Variants in THRB observed in about 807,000 individuals in gnomAD.
The protein encoded by THRB is thyroid hormone receptor beta.
A neutral mutation model predicts 47.8 loss-of-function variants in THRB; 12 were observed. The observed-to-expected ratio is 0.25, with a 90% CI of 0.16 to 0.41. The LOEUF (loss-of-function observed/expected upper bound fraction) is 0.41, where lower values mean the gene tolerates loss of function less well. Ranked by LOEUF, THRB falls within the 10% of genes least tolerant of loss-of-function variation. THRB has a pLI of 1.00. For synonymous variants in THRB, 218 were observed against 212.2 expected (o/e 1.03, Z -0.24); for missense variants, 348 against 589.2 (o/e 0.59, Z 4.24).
At chr3:24,295,094 T>C (rs1329289139) in intron 3 of THRB, among the ~76,000 whole-genome samples, 1 of 152,250 alleles carries the variant, frequency 6.6e-6, no homozygotes, top group African/African-American at 2.4e-5. Context: ...GTCCTAGGTC[T>C]GAAAACTCAC....
Position 24,393,756 on chromosome 3 carries a change from T to C in THRB, c.-260-56385A>G, listed in dbSNP as rs371864330. Among the ~76,000 whole-genome samples the C allele has an allele frequency of 2.6e-4, 39 of 152,290 alleles. 1 individual carries two copies. In the East Asian group the frequency reaches 6.8e-3, roughly 26 times the overall value. On this transcript the variant is annotated intron_variant, in intron 1 of 10. Transcript: ENST00000646209. ...AGGAAGACCCCAAAAGGTGAGGTCC[T>C]ATCCTCTGCCAAAGAATGAAGACTT...
At chr3:24,208,481 G>A (rs2045649533) in intron 4 of THRB, among the ~76,000 whole-genome samples, 1 of 152,126 alleles carries the variant, frequency 6.6e-6, no homozygotes, top group Non-Finnish European at 1.5e-5. Flanking sequence ...AAACAGCATG[G>A]TACTGGTACC....
chr3:24,287,940 A>C (rs929929216), intron 3 of THRB, among the ~76,000 whole-genome samples: 1 of 152,252 alleles, frequency 6.6e-6, no homozygotes, highest in Non-Finnish European at 1.5e-5. Flanking sequence ...ACTGCCAAGC[A>C]CAGAATTTAC....
Position 24,420,520 on chromosome 3 carries a change from T to A in THRB, c.-261+74132A>T, listed in dbSNP as rs567075952. On this transcript the variant is annotated intron_variant, in intron 1 of 10. Transcript: ENST00000646209. The stretch of plus-strand genomic sequence containing the variant: ...ATGAAACTTCCACACCTCAGAAACC[T>A]CTTTAAAAAGTGAGCAAAGGACATG... Among the ~76,000 whole-genome samples, 4 of 151,928 alleles carry A rather than the reference T, an allele frequency of 2.6e-5. No homozygotes were observed. The East Asian group carries it at 5.9e-4, about 22-fold the overall frequency.
At chr3:24,415,557 C>T (rs2068667102) in intron 1 of THRB, among the ~76,000 whole-genome samples, 1 of 151,654 alleles carries the variant, frequency 6.6e-6, no homozygotes, top group South Asian at 2.1e-4. Context: ...TTGTCAACAC[C>T]ACAGAAGCTA....
intron 2 of THRB, among the ~76,000 whole-genome samples, chr3:24,310,941 A>T (rs2057714897): frequency 6.6e-6 from 1 of 152,198 alleles, no homozygotes; most frequent in Admixed American, 6.5e-5. Context: ...GTAAAACAAG[A>T]GCTACTTATT....
At chr3:24,443,493 C>A (rs1043098944) in intron 1 of THRB, among the ~76,000 whole-genome samples, 4 of 151,868 alleles carry the variant, frequency 2.6e-5, no homozygotes, top group African/African-American at 9.7e-5. Context: ...ATTTTGATAT[C>A]AAAACTAATA....
At chr3:24,441,140 G>A (rs1428510730) in intron 1 of THRB, among the ~76,000 whole-genome samples, 1 of 152,130 alleles carries the variant, frequency 6.6e-6, no homozygotes, top group East Asian at 1.9e-4. Context: ...AGTTCCTAAA[G>A]GCCACCTACC....
intron 3 of THRB, among the ~76,000 whole-genome samples, chr3:24,242,009 TC>T (rs1170194697): frequency 6.6e-6 from 1 of 152,100 alleles, no homozygotes; most frequent in Non-Finnish European, 1.5e-5. Flanking sequence ...TAGTAGGAAC[TC>T]AAAAAACATG....
chr3:24,322,779 T>C (rs2058567378), intron 2 of THRB, among the ~76,000 whole-genome samples: 1 of 152,228 alleles, frequency 6.6e-6, no homozygotes, highest in African/African-American at 2.4e-5. Flanking sequence ...GTATTTTCTA[T>C]GGCTGATCAA....
chr3:24,135,082 C>T (rs1009733520), intron 8 of THRB, among the ~76,000 whole-genome samples: 1 of 152,136 alleles, frequency 6.6e-6, no homozygotes, highest in African/African-American at 2.4e-5. Context: ...CTAACAAGTT[C>T]CCAGGGTGTG....
chr3:24,337,834 T>TC lies in THRB; in HGVS notation c.-260-464_-260-463insG, dbSNP rs564958676. ...AGCTGTCGGGTGGGGCACTGCCATA[T>TC]GAACCTGTGGGGAAGCGATGGGTTC... On this transcript the variant is annotated intron_variant, in intron 1 of 10. Transcript: ENST00000646209. 3.0e-3 allele frequency among the ~76,000 whole-genome samples: 449 copies of TC among 152,006 alleles called. 4 individuals carry two copies. Among genetic ancestry groups the TC allele is most frequent in the African/African-American group, 0.011 (441 of 41,418 alleles).
chr3:24,356,877 G>T (rs1364942233), intron 1 of THRB, among the ~76,000 whole-genome samples: 2 of 152,032 alleles, frequency 1.3e-5, no homozygotes, highest in Non-Finnish European at 2.9e-5. Flanking sequence ...CCACCCTCCT[G>T]TCAGACTCCC....
intron 1 of THRB, among the ~76,000 whole-genome samples, chr3:24,361,038 G>T (rs1369813207): frequency 6.6e-6 from 1 of 152,118 alleles, no homozygotes; most frequent in Non-Finnish European, 1.5e-5. Context: ...TTGGGCAGAG[G>T]AATGCTAAGT....
At chr3:24,479,232 G>C (rs1367200232) in intron 1 of THRB, among the ~76,000 whole-genome samples, 1 of 152,224 alleles carries the variant, frequency 6.6e-6, no homozygotes, top group Non-Finnish European at 1.5e-5. Context: ...AACCTGGGAG[G>C]CGGGGCTAGC....
chr3:24,220,838 G>T (rs1445003503), intron 4 of THRB, among the ~76,000 whole-genome samples: 1 of 151,238 alleles, frequency 6.6e-6, no homozygotes, highest in Non-Finnish European at 1.5e-5. Flanking sequence ...ATCACCATTT[G>T]AAGCCATTTA....
At chr3:24,474,650 T>C (rs1695180682) in intron 1 of THRB, among the ~76,000 whole-genome samples, 1 of 151,990 alleles carries the variant, frequency 6.6e-6, no homozygotes, top group Non-Finnish European at 1.5e-5. Flanking sequence ...GCAACTCAAA[T>C]ACACAATCCT....
chr3:24,208,506 G>C (rs1463625615), intron 4 of THRB, among the ~76,000 whole-genome samples: 2 of 152,130 alleles, frequency 1.3e-5, no homozygotes, highest in Admixed American at 6.5e-5. Flanking sequence ...CAGAGATATA[G>C]ACCAATGGAA....
intron 3 of THRB, among the ~76,000 whole-genome samples, chr3:24,277,097 C>T (rs1281875041): frequency 6.6e-6 from 1 of 152,122 alleles, no homozygotes; most frequent in Non-Finnish European, 1.5e-5. Context: ...GTCAACGTTG[C>T]CATAGAAGAG....
Sources: gnomAD v4.1 joint callset for allele counts (sites outside exome capture counted in the v4.1 genomes callset) on GRCh38, gnomAD v4.1.1 for gene constraint, MANE v1.5 for transcripts, NCBI Gene and HGNC (gene_info 2026-07-23, HGNC 2026-07-21) for gene names.